MAD1L1: variants seen among roughly 807,000 people sequenced by gnomAD.
The protein encoded by MAD1L1 is mitotic spindle assembly checkpoint protein MAD1.
Under a neutral mutation model 96.9 loss-of-function variants are expected in MAD1L1, and 95 were observed. The ratio of observed to expected loss-of-function variants is 0.98; its 90% CI spans 0.83 to 1.16. MAD1L1 has a LOEUF of 1.16. MAD1L1 is among the 50% of genes most tolerant of loss of function. The pLI, the probability that MAD1L1 is intolerant of heterozygous loss-of-function variation, is 0.00. For missense variants in MAD1L1, 1,007 were observed against 954.4 expected, an observed-to-expected ratio of 1.06 and a Z score of -0.73; for synonymous variants, 473 against 396.6, an observed-to-expected ratio of 1.19 and a Z score of -2.29.
intron 12 of MAD1L1, among the ~76,000 whole-genome samples, chr7:2,043,051 C>T (rs2128512067): frequency 6.6e-6 from 1 of 152,330 alleles, no homozygotes. Flanking sequence ...ACTTCAGACC[C>T]TACTCTCCAC....
At chr7:1,933,184 T>C (rs1286425133) in intron 17 of MAD1L1, among the ~76,000 whole-genome samples, 1 of 152,166 alleles carries the variant, frequency 6.6e-6, no homozygotes, top group Admixed American at 6.5e-5. Flanking sequence ...TGTCTGACAA[T>C]CCCTGGGTAT....
intron 10 of MAD1L1, among the ~76,000 whole-genome samples, chr7:2,150,753 T>A (rs1789532992): frequency 6.6e-6 from 1 of 152,072 alleles, no homozygotes; most frequent in African/African-American, 2.4e-5. Context: ...CCAGGGCTGG[T>A]CATAAGCCCT....
At chr7:2,223,907 G>A (rs554692648) in intron 4 of MAD1L1, among the ~76,000 whole-genome samples, 2 of 152,296 alleles carry the variant, frequency 1.3e-5, no homozygotes, top group African/African-American at 2.4e-5. Context: ...GGTTCTGACT[G>A]TTCCTGGGGT....
At chr7:1,838,788 T>C (rs1357475064) in intron 18 of MAD1L1, 4 of 471,072 alleles carry the variant, frequency 8.5e-6, no homozygotes, top group East Asian at 6.9e-5. Context: ...AGCTGCTTCA[T>C]GAGAAAGGCC....
intron 10 of MAD1L1, among the ~76,000 whole-genome samples, chr7:2,180,319 G>A (rs35413321): frequency 0.14 from 22,039 of 152,244 alleles, 1,822 homozygotes; most frequent in Middle Eastern, 0.27. Flanking sequence ...CTGGCCCAGC[G>A]TGCACCGGAG....
intron 11 of MAD1L1, among the ~76,000 whole-genome samples, chr7:2,094,992 G>C (rs1036326917): frequency 2.6e-5 from 4 of 152,130 alleles, no homozygotes; most frequent in African/African-American, 9.7e-5. Context: ...TGAGCAAAAT[G>C]AAGTTTTTCA....
At position 1,920,333 on chromosome 7, in the gene MAD1L1, G is replaced by A. The variant is rs188136504; in HGVS notation, c.1807+16354C>T. On this transcript the variant is annotated intron_variant, in intron 17 of 18. Coordinates refer to ENST00000265854, the MANE Select transcript of MAD1L1 (RefSeq NM_001013836.2). The stretch of plus-strand genomic sequence containing the variant: ...GCCCAGTAAGCTCGCCCGGGGCTGT[G>A]TTGTCTGCAGATGGAGCAGCGACAG... Among the ~76,000 whole-genome samples, 964 of 152,358 alleles carry A rather than the reference G, an allele frequency of 6.3e-3. 10 individuals carry two copies. Among genetic ancestry groups the A allele is most frequent in the African/African-American group, 0.022 (909 of 41,584 alleles).
At chr7:1,957,135 C>A (rs1779761040) in intron 16 of MAD1L1, among the ~76,000 whole-genome samples, 1 of 152,228 alleles carries the variant, frequency 6.6e-6, no homozygotes. Context: ...CGCCCATCAC[C>A]ACAGATGTCA....
chr7:2,090,278 A>G (rs1219720504), intron 11 of MAD1L1, among the ~76,000 whole-genome samples: 1 of 152,234 alleles, frequency 6.6e-6, no homozygotes, highest in East Asian at 1.9e-4. Context: ...GGCCAGGTCC[A>G]CTGCCAGTTG....
chr7:2,180,346 C>T (rs1791144771), intron 10 of MAD1L1, among the ~76,000 whole-genome samples: 2 of 152,250 alleles, frequency 1.3e-5, no homozygotes, highest in Admixed American at 1.3e-4. Context: ...ATCAAGGACT[C>T]ACCAGTTCTA....
In MAD1L1 at chr7:2,043,730, G is replaced by T. The variant is rs1412088363; in HGVS notation, c.1218+25464C>A. On this transcript the variant is annotated intron_variant, in intron 12 of 18. Coordinates refer to ENST00000265854, the MANE Select transcript of MAD1L1 (RefSeq NM_001013836.2). Reference sequence around the variant, plus strand: ...GCCAGCCTTTTTCTCGAGAGTGGGGGCAGCACCACCCCAGGCCTCCTGCCA... The same window carrying T: ...GCCAGCCTTTTTCTCGAGAGTGGGGTCAGCACCACCCCAGGCCTCCTGCCA... Among the ~76,000 whole-genome samples, 8 of 152,210 alleles carry T rather than the reference G, an allele frequency of 5.3e-5. No homozygotes were observed. The East Asian group carries it at 1.5e-3, about 29-fold the overall frequency.
At chr7:1,972,345 G>C (rs1032908074) in intron 15 of MAD1L1, among the ~76,000 whole-genome samples, 1 of 152,152 alleles carries the variant, frequency 6.6e-6, no homozygotes, top group African/African-American at 2.4e-5. Flanking sequence ...GATATCCTTC[G>C]CATCTTTATG....
intron 17 of MAD1L1, among the ~76,000 whole-genome samples, chr7:1,918,100 G>A (rs1404163564): frequency 3.3e-5 from 5 of 152,096 alleles, no homozygotes; most frequent in African/African-American, 1.2e-4. Flanking sequence ...GCCAGCGCCC[G>A]GCTCAGCCTG....
chr7:2,033,962 G>A (rs551725281), intron 12 of MAD1L1, among the ~76,000 whole-genome samples: 6 of 152,254 alleles, frequency 3.9e-5, no homozygotes, highest in African/African-American at 9.6e-5. Context: ...CAGGCGGGGC[G>A]GCATGCACCT....
intron 12 of MAD1L1, among the ~76,000 whole-genome samples, chr7:2,023,249 T>C (rs558872575): frequency 6.8e-4 from 104 of 152,174 alleles, no homozygotes; most frequent in African/African-American, 2.5e-3. Context: ...CTCAAACTCA[T>C]ATGGAAAATT....
chr7:1,909,140 G>A (rs999856706), intron 17 of MAD1L1, among the ~76,000 whole-genome samples: 1 of 152,216 alleles, frequency 6.6e-6, no homozygotes, highest in Non-Finnish European at 1.5e-5. Flanking sequence ...TGGTGTACTA[G>A]TAGGTGACGC....
At chr7:1,895,410 A>G (rs1168349654) in intron 18 of MAD1L1, among the ~76,000 whole-genome samples, 1 of 152,208 alleles carries the variant, frequency 6.6e-6, no homozygotes, top group Non-Finnish European at 1.5e-5. Context: ...ACCTAGAGTC[A>G]GCCCCCTGCC....
chr7:1,943,526 G>C (rs1015696398), intron 16 of MAD1L1, among the ~76,000 whole-genome samples: 1 of 152,156 alleles, frequency 6.6e-6, no homozygotes, highest in Non-Finnish European at 1.5e-5. Flanking sequence ...AAGCTGCTCG[G>C]CATCATCCGG....
chr7:1,917,227 G>C (rs973217459), intron 17 of MAD1L1, among the ~76,000 whole-genome samples: 8 of 152,222 alleles, frequency 5.3e-5, no homozygotes, highest in Non-Finnish European at 8.8e-5. Flanking sequence ...CCGCGGCATG[G>C]AGCCACCCGC....
Sources: allele counts gnomAD v4.1 joint callset (sites outside exome capture counted in the v4.1 genomes callset), GRCh38; gene constraint gnomAD v4.1.1; transcripts MANE v1.5; gene names NCBI Gene and HGNC (gene_info 2026-07-23, HGNC 2026-07-21).